Variants in CTNNA3 observed in about 807,000 individuals in gnomAD.
CTNNA3 encodes catenin alpha 3, also known as catenin alpha-3.
In CTNNA3, 76 loss-of-function variants were observed where a neutral mutation model predicts 95.7. The observed-to-expected ratio is 0.79, with a 90% CI of 0.66 to 0.96. The LOEUF is 0.96. CTNNA3 is among the 40% of genes least tolerant of loss of function. The probability of loss-of-function intolerance (pLI) is 0.00; values close to 1 mark genes in which losing one functional copy is unlikely to be tolerated. For missense variants in CTNNA3, 1,191 were observed against 1,089.8 expected, an observed-to-expected ratio of 1.09 and a Z score of -1.31; for synonymous variants, 431 against 374.4, an observed-to-expected ratio of 1.15 and a Z score of -1.74.
chr10:66,333,175 A>C (rs1280611385), intron 12 of CTNNA3, among the ~76,000 whole-genome samples: 1 of 151,892 alleles, frequency 6.6e-6, no homozygotes, highest in Admixed American at 6.6e-5. Context: ...TTTAAAAAAA[A>C]CCAGCTCCTG....
At chr10:66,031,456 C>G (rs905533448) in intron 15 of CTNNA3, among the ~76,000 whole-genome samples, 1 of 152,092 alleles carries the variant, frequency 6.6e-6, no homozygotes, top group African/African-American at 2.4e-5. Flanking sequence ...AACACAGTAA[C>G]AGAAAACCAA....
intron 13 of CTNNA3, among the ~76,000 whole-genome samples, chr10:66,154,499 T>C (rs575967548): frequency 1.3e-4 from 19 of 151,538 alleles, no homozygotes; most frequent in Non-Finnish European, 2.5e-4. Context: ...AATATCTTGA[T>C]ATTCATTTTC....
chr10:67,058,300 C>A lies in CTNNA3; in HGVS notation c.1047+122017G>T, dbSNP rs188108306. Among the ~76,000 whole-genome samples, 400 of 152,284 alleles carry A rather than the reference C, an allele frequency of 2.6e-3. 1 individual carries two copies. Among genetic ancestry groups the A allele is most frequent in the African/African-American group, 9.0e-3 (373 of 41,574 alleles). ...GTCTTAGTCTATCACATCATTCTTA[C>A]TAGAGAACTTTGTTCTAGGCTTTTG... On this transcript the variant is annotated intron_variant, in intron 7 of 17. Transcript: ENST00000433211.
At chr10:67,085,603 T>G (rs1857262998) in intron 7 of CTNNA3, among the ~76,000 whole-genome samples, 1 of 152,024 alleles carries the variant, frequency 6.6e-6, no homozygotes, top group Non-Finnish European at 1.5e-5. Context: ...TCAGACTTAC[T>G]TTTAAAGTTT....
intron 5 of CTNNA3, among the ~76,000 whole-genome samples, chr10:67,491,915 T>A (rs1848659605): frequency 6.6e-6 from 1 of 152,096 alleles, no homozygotes; most frequent in African/African-American, 2.4e-5. Flanking sequence ...TATATAAAAA[T>A]GTATTTACAA....
chr10:65,940,843 G>A (rs2077418886), intron 17 of CTNNA3, among the ~76,000 whole-genome samples: 2 of 152,162 alleles, frequency 1.3e-5, no homozygotes, highest in Admixed American at 6.6e-5. Flanking sequence ...TTCTCAGCCT[G>A]TTCATTGAAC....
chr10:67,185,407 T>A (rs1004106151), intron 6 of CTNNA3, among the ~76,000 whole-genome samples: 18 of 152,154 alleles, frequency 1.2e-4, no homozygotes, highest in African/African-American at 4.3e-4. Flanking sequence ...ATTACAGGTG[T>A]GAGCCATCAC....
chr10:66,457,364 A>G (rs1410785008), intron 11 of CTNNA3, among the ~76,000 whole-genome samples: 1 of 151,960 alleles, frequency 6.6e-6, no homozygotes, highest in Non-Finnish European at 1.5e-5. Context: ...CAATAAAAAG[A>G]AAACAAACAA....
chr10:66,786,981 C>T (rs747742979), intron 7 of CTNNA3, among the ~76,000 whole-genome samples: 2 of 152,166 alleles, frequency 1.3e-5, no homozygotes, highest in Non-Finnish European at 2.9e-5. Context: ...TTAAAATTCA[C>T]AATGCAACTT....
chr10:67,308,572 A>G (rs945768346), intron 5 of CTNNA3, among the ~76,000 whole-genome samples: 1 of 152,010 alleles, frequency 6.6e-6, no homozygotes, highest in Non-Finnish European at 1.5e-5. Context: ...TAATACATAC[A>G]TCTTTGAGAC....
chr10:66,106,339 G>T (rs1369467545), intron 13 of CTNNA3, among the ~76,000 whole-genome samples: 1 of 10,520 alleles, frequency 9.5e-5, no homozygotes, highest in African/African-American at 4.8e-4. Flanking sequence ...GTGTGTGTTT[G>T]TGTGTGTGTG....
At chr10:67,477,774 A>G (rs1006303436) in intron 5 of CTNNA3, among the ~76,000 whole-genome samples, 2 of 152,252 alleles carry the variant, frequency 1.3e-5, no homozygotes, top group African/African-American at 4.8e-5. Context: ...CTGGCACCTG[A>G]AAAACCTGGA....
At chr10:67,377,502 A>G (rs555578694) in intron 5 of CTNNA3, among the ~76,000 whole-genome samples, 62 of 152,292 alleles carry the variant, frequency 4.1e-4, no homozygotes, top group African/African-American at 1.4e-3. Context: ...TTTTACACTA[A>G]CATTCAACGA....
chr10:67,168,910 C>T (rs542282715), intron 7 of CTNNA3, among the ~76,000 whole-genome samples: 33 of 152,234 alleles, frequency 2.2e-4, no homozygotes, highest in Non-Finnish European at 3.1e-4. Flanking sequence ...CTCAAAAGCT[C>T]CTTCAGCTAA....
At chr10:67,419,061 T>C (rs921533682) in intron 5 of CTNNA3, among the ~76,000 whole-genome samples, 2 of 152,202 alleles carry the variant, frequency 1.3e-5, no homozygotes, top group African/African-American at 4.8e-5. Context: ...TTACATTGAC[T>C]TTGTTTCCAA....
rs190729630 is a variant in CTNNA3 at position 67,740,101 on chromosome 10, C to T, written c.-2+23333G>A. Among the ~76,000 whole-genome samples, 136 of 152,218 alleles carry T rather than the reference C, an allele frequency of 8.9e-4. No individual in the cohort carries two copies. In the East Asian group the frequency reaches 9.3e-3, roughly 10 times the overall value. The stretch of plus-strand genomic sequence containing the variant: ...AAATGGTGCTGAGAAAACTGGCTAG[C>T]CATATGTAGAAAGTTGAAACTGGAT... On this transcript the variant is annotated intron_variant, in intron 1 of 17. Coordinates refer to the CTNNA3 transcript ENST00000684154.
At chr10:67,048,719 A>G (rs1345872111) in intron 7 of CTNNA3, among the ~76,000 whole-genome samples, 2 of 152,106 alleles carry the variant, frequency 1.3e-5, no homozygotes, top group African/African-American at 2.4e-5. Context: ...AAACAGGTAC[A>G]TGATAAAATG....
intron 11 of CTNNA3, among the ~76,000 whole-genome samples, chr10:66,461,969 C>G (rs899163204): frequency 6.6e-6 from 1 of 151,600 alleles, no homozygotes. Context: ...CGTGCCACCA[C>G]ACCCGGCTAA....
rs2076981644 is a variant in CTNNA3 at position 65,914,332 on chromosome 10, T to A, written c.*5998A>T. ...ATTGCTCAAACTAGGAATGTGTGTA[T>A]TTCTTATGTGGCTCCACCGTAAGAA... On this transcript the variant is annotated 3_prime_UTR_variant, in exon 18 of 18. Transcript: ENST00000433211. 1 of 152,124 alleles carries A rather than the reference T, an allele frequency of 6.6e-6. No individual in the cohort carries two copies. The highest frequency in any genetic ancestry group is 1.5e-5 in the Non-Finnish European group (1 of 68,018). The allele number at this position is 152,124 out of a possible 1,614,324, so 9.4% of individuals were successfully genotyped here.
Sources: allele counts gnomAD v4.1 joint callset (sites outside exome capture counted in the v4.1 genomes callset), GRCh38; gene constraint gnomAD v4.1.1; transcripts MANE v1.5; gene names NCBI Gene and HGNC (gene_info 2026-07-23, HGNC 2026-07-21).